PCDH15: variants seen among roughly 807,000 people sequenced by gnomAD.
PCDH15 encodes protocadherin-15.
In PCDH15, 129 loss-of-function variants were observed where a neutral mutation model predicts 178.5. The observed-to-expected ratio is 0.72, with a 90% CI of 0.63 to 0.84. PCDH15 has a LOEUF of 0.84. Among genes scored for constraint, PCDH15 ranks in the 40% least tolerant of loss-of-function variants. The probability of loss-of-function intolerance (pLI) is 0.00; values close to 1 mark genes in which losing one functional copy is unlikely to be tolerated. For missense variants in PCDH15, 2,230 were observed against 2,099.9 expected (o/e 1.06, Z -1.21); for synonymous variants, 800 against 732.0 (o/e 1.09, Z -1.50).
chr10:54,713,208 A>AAC (rs376488948), intron 1 of PCDH15, among the ~76,000 whole-genome samples: 198 of 151,280 alleles, frequency 1.3e-3, no homozygotes, highest in Middle Eastern at 3.4e-3. Context: ...ATGAAGTTAA[A>AAC]ACACACACAC....
chr10:54,634,651 TTATACA>T, intron 2 of PCDH15, among the ~76,000 whole-genome samples: 1 of 152,042 alleles, frequency 6.6e-6, no homozygotes, highest in African/African-American at 2.4e-5. Flanking sequence ...GAGAAAAAAA[TTATACA>T]TATTGTTTAT....
chr10:54,145,323 T>G (rs561213526), intron 14 of PCDH15, among the ~76,000 whole-genome samples: 1 of 152,196 alleles, frequency 6.6e-6, no homozygotes, highest in South Asian at 2.1e-4. Context: ...AGGAGTCTAT[T>G]TGTAATTCTG....
chr10:54,275,739 G>T (rs2058317990), intron 8 of PCDH15, among the ~76,000 whole-genome samples: 1 of 151,358 alleles, frequency 6.6e-6, no homozygotes, highest in Non-Finnish European at 1.5e-5. Context: ...CTGACAGAAA[G>T]GCTTCTTATA....
chr10:54,103,526 C>T (rs1252912663), intron 15 of PCDH15, among the ~76,000 whole-genome samples: 1 of 152,120 alleles, frequency 6.6e-6, no homozygotes, highest in Non-Finnish European at 1.5e-5. Flanking sequence ...AGGTGCTGCC[C>T]TCATAAATCT....
At chr10:54,310,701 T>C (rs2060848102) in intron 8 of PCDH15, among the ~76,000 whole-genome samples, 1 of 151,788 alleles carries the variant, frequency 6.6e-6, no homozygotes, top group African/African-American at 2.4e-5. Context: ...TGAGGAAAAA[T>C]AGAACTCTAT....
At chr10:54,865,997 G>A (rs1268347882) in intron 3 of PCDH15, among the ~76,000 whole-genome samples, 1 of 152,140 alleles carries the variant, frequency 6.6e-6, no homozygotes, top group Non-Finnish European at 1.5e-5. Context: ...AACTAGAGTA[G>A]TACAAAGTGA....
chr10:55,370,460 T>C (rs1472497619), intron 2 of PCDH15, among the ~76,000 whole-genome samples: 2 of 152,062 alleles, frequency 1.3e-5, no homozygotes, highest in Non-Finnish European at 2.9e-5. Context: ...AAATATGCCT[T>C]TTTCTGAATT....
In PCDH15 at chr10:53,822,792, A is replaced by G. The variant is rs557722266; in HGVS notation, c.4368-2562T>C. On this transcript the variant is annotated intron_variant, in intron 32 of 37. Coordinates refer to ENST00000644397, the MANE Select transcript of PCDH15 (RefSeq NM_001384140.1). ...CAACTGTTCTGTTCCTTCTATCATC[A>G]GTGTTTCACCTTGCCTTATTTCCTC... The G allele has an allele frequency of 5.0e-6, 8 of 1,614,094 alleles. No individual in the cohort carries two copies. The African/African-American group carries it at 8.0e-5, about 16-fold the overall frequency.
At chr10:55,203,097 G>A (rs1022445314) in intron 1 of PCDH15, among the ~76,000 whole-genome samples, 16 of 152,008 alleles carry the variant, frequency 1.1e-4, no homozygotes, top group South Asian at 1.0e-3. Flanking sequence ...AGATACCAGC[G>A]CCAGCATGCC....
intron 6 of PCDH15, among the ~76,000 whole-genome samples, chr10:54,331,635 A>G (rs1939597387): frequency 6.6e-6 from 1 of 152,026 alleles, no homozygotes; most frequent in African/African-American, 2.4e-5. Flanking sequence ...TACACTGTTA[A>G]ACTTATCCTA....
chr10:54,645,695 T>C (rs1039213256), intron 2 of PCDH15, among the ~76,000 whole-genome samples: 3 of 152,076 alleles, frequency 2.0e-5, no homozygotes, highest in Non-Finnish European at 4.4e-5. Context: ...TTGTGCAGGT[T>C]TGTGTATGTT....
intron 26 of PCDH15, among the ~76,000 whole-genome samples, chr10:53,894,747 A>C (rs887160882): frequency 6.6e-6 from 1 of 152,224 alleles, no homozygotes; most frequent in Non-Finnish European, 1.5e-5. Flanking sequence ...ATAACACATA[A>C]ATAAGCAAAC....
chr10:54,886,415 A>C (rs1432960576), intron 3 of PCDH15, among the ~76,000 whole-genome samples: 1 of 152,208 alleles, frequency 6.6e-6, no homozygotes, highest in Non-Finnish European at 1.5e-5. Flanking sequence ...TGCACCAGAA[A>C]ACACACCTAA....
intron 3 of PCDH15, among the ~76,000 whole-genome samples, chr10:54,379,229 A>G (rs998799095): frequency 1.3e-5 from 2 of 152,112 alleles, no homozygotes; most frequent in African/African-American, 4.8e-5. Context: ...CCCCCCATCT[A>G]TCACTTCTCA....
chr10:54,760,472 A>C (rs1413711554), intron 1 of PCDH15, among the ~76,000 whole-genome samples: 1 of 152,170 alleles, frequency 6.6e-6, no homozygotes, highest in Non-Finnish European at 1.5e-5. Context: ...GGATAATGAG[A>C]ACAACAGAAG....
intron 2 of PCDH15, among the ~76,000 whole-genome samples, chr10:54,928,175 AT>A (rs1837679267): frequency 6.6e-6 from 1 of 151,984 alleles, no homozygotes. Context: ...AAAATATCTT[AT>A]TTCTCCTTCA....
chr10:53,957,704 C>T (rs1051453050), intron 23 of PCDH15, among the ~76,000 whole-genome samples: 2 of 151,848 alleles, frequency 1.3e-5, no homozygotes, highest in African/African-American at 4.8e-5. Context: ...ATTTTCTGAC[C>T]ACGGTTGACC....
At chr10:54,009,898 GACTTGTATCCCCAGAC>G (rs1162486871) in intron 20 of PCDH15, among the ~76,000 whole-genome samples, 4 of 152,194 alleles carry the variant, frequency 2.6e-5, no homozygotes, top group Admixed American at 1.3e-4. Context: ...AGTCCCAGGA[GACTTGTATCCCCAGAC>G]ACTCTGGCAC....
At chr10:53,903,219 G>C (rs773114966) in intron 26 of PCDH15, 24 bp downstream of exon 26, 1 of 1,610,938 alleles carries the variant, frequency 6.2e-7, no homozygotes, top group South Asian at 1.1e-5. Context: ...CTTTAGTTCT[G>C]TATATTAACA....
Sources: gnomAD v4.1 joint callset for allele counts (sites outside exome capture counted in the v4.1 genomes callset) on GRCh38, gnomAD v4.1.1 for gene constraint, MANE v1.5 for transcripts, NCBI Gene and HGNC (gene_info 2026-07-23, HGNC 2026-07-21) for gene names.